Variants in LCP1 observed in about 807,000 individuals in gnomAD.
LCP1 encodes lymphocyte cytosolic protein 1.
Under a neutral mutation model 72.0 loss-of-function variants are expected in LCP1, and 23 were observed. The observed-to-expected ratio is 0.32, with a 90% CI of 0.23 to 0.45. LCP1 has a LOEUF of 0.45. LCP1 is among the 20% of genes least tolerant of loss of function. LCP1 has a pLI of 1.00. For synonymous variants in LCP1, 245 were observed against 275.4 expected, an observed-to-expected ratio of 0.89 and a Z score of 1.09; for missense variants, 571 against 748.3, an observed-to-expected ratio of 0.76 and a Z score of 2.76.
rs533850459 is a variant in LCP1 at position 46,147,244 on chromosome 13, G to A, written c.979-141C>T. 22 of 685,524 alleles carry A rather than the reference G, an allele frequency of 3.2e-5. No homozygotes were observed. In the Admixed American group the frequency reaches 4.4e-4, roughly 14 times the overall value. The allele number at this position is 685,524 out of a possible 1,614,324, so 42.5% of individuals were successfully genotyped here. ...AGACACTTAATAACAGCACATTATTGCCTATATGCACCTGCACCAAAATCA... is the reference window on the plus strand; with the variant it reads ...AGACACTTAATAACAGCACATTATTACCTATATGCACCTGCACCAAAATCA... On this transcript the variant is annotated intron_variant, in intron 9 of 15. Coordinates refer to ENST00000323076, the MANE Select transcript of LCP1 (RefSeq NM_002298.5).
chr13:46,161,683 G>T (rs910031252), intron 1 of LCP1, among the ~76,000 whole-genome samples: 1 of 152,066 alleles, frequency 6.6e-6, no homozygotes, highest in Non-Finnish European at 1.5e-5. Flanking sequence ...AAACCCAAGA[G>T]TTAAACCAAC....
At chr13:46,170,036 T>C (rs1264504756) in intron 1 of LCP1, among the ~76,000 whole-genome samples, 1 of 152,200 alleles carries the variant, frequency 6.6e-6, no homozygotes, top group Non-Finnish European at 1.5e-5. Flanking sequence ...AGCAGATTAG[T>C]GTCTGGCCCA....
At position 46,151,072 on chromosome 13, in the gene LCP1, A is replaced by G; in HGVS notation, c.746T>C (p.Ile249Thr). ...DIELSRNEAL[I>T]ALLREGESLE... ...GCTCTCACCTTCTCTCAAAAGAGCA[A>G]TCAGAGCTGAAGAAGCACAAAAACC... The change falls in exon 8 of 16, where the codon ATT becomes ACT. Residue 249 changes from isoleucine (I) to threonine (T), a missense_variant. Coordinates refer to ENST00000323076, the MANE Select transcript of LCP1 (RefSeq NM_002298.5). The G allele has an allele frequency of 3.7e-6, 6 of 1,612,280 alleles. No individual in the cohort carries two copies. The highest frequency in any genetic ancestry group is 5.1e-6 in the Non-Finnish European group (6 of 1,179,600).
intron 13 of LCP1, among the ~76,000 whole-genome samples, chr13:46,138,908 A>C (rs991188567): frequency 6.6e-6 from 1 of 152,094 alleles, no homozygotes; most frequent in Non-Finnish European, 1.5e-5. Flanking sequence ...CGGCCTCCCA[A>C]AGTACTGGGA....
At chr13:46,153,433 G>A (rs575996657) in intron 6 of LCP1, among the ~76,000 whole-genome samples, 36 of 152,274 alleles carry the variant, frequency 2.4e-4, no homozygotes, top group Non-Finnish European at 4.4e-4. Flanking sequence ...TGGCACGGTG[G>A]CTCATGCCCA....
chr13:46,166,644 G>A (rs932833882), intron 1 of LCP1, among the ~76,000 whole-genome samples: 9 of 152,104 alleles, frequency 5.9e-5, no homozygotes, highest in African/African-American at 2.2e-4. Context: ...CATTAATATT[G>A]TAAGCTTTAG....
chr13:46,130,986 T>A (rs764305782), intron 14 of LCP1, 48 bp from the exon 15 acceptor site: 1 of 1,531,008 alleles, frequency 6.5e-7, no homozygotes, highest in South Asian at 1.3e-5. Context: ...CCAAAGTTAC[T>A]CCCATTCAGC....
chr13:46,176,910 C>A (rs984204856), intron 1 of LCP1, among the ~76,000 whole-genome samples: 1 of 127,976 alleles, frequency 7.8e-6, no homozygotes, highest in Non-Finnish European at 1.8e-5. Context: ...TGTGAGAGAG[C>A]GAGAGAGAGA....
Position 46,151,070 on chromosome 13 carries a change from C to T in LCP1, c.748G>A (p.Ala250Thr), listed in dbSNP as rs574649338. Residue 250 changes from alanine (A) to threonine (T), a missense_variant, in exon 8 of 16, where the codon GCT becomes ACT. Ala to Thr is a moderately conservative substitution (Grantham distance 58). Transcript: ENST00000323076. ...IELSRNEALI[A>T]LLREGESLED... ...AGGCTCTCACCTTCTCTCAAAAGAG[C>T]AATCAGAGCTGAAGAAGCACAAAAA... 6.2e-7 allele frequency: 1 copy of T among 1,612,026 alleles called. No homozygotes were observed. Among genetic ancestry groups the T allele is most frequent in the Non-Finnish European group, 8.5e-7 (1 of 1,179,496 alleles).
intron 14 of LCP1, among the ~76,000 whole-genome samples, chr13:46,131,289 C>A (rs777215265): frequency 1.3e-5 from 2 of 152,054 alleles, no homozygotes; most frequent in Non-Finnish European, 2.9e-5. Context: ...AAATGAGGAC[C>A]AAAACCACAA....
rs552306089 is a variant in LCP1 at position 46,162,570 on chromosome 13, G to C, written c.-24-2884C>G. 5.2e-3 allele frequency among the ~76,000 whole-genome samples: 794 copies of C among 152,226 alleles called. 3 individuals are homozygous for C. The highest frequency in any genetic ancestry group is 0.018 in the African/African-American group (766 of 41,528). The stretch of plus-strand genomic sequence containing the variant: ...GCCAGCCTCGGCCTCCGGAGGTGCT[G>C]GGATTGCAGGCGGAGTCTCGTTCAC... On this transcript the variant is annotated intron_variant, in intron 1 of 15. Coordinates refer to ENST00000323076, the MANE Select transcript of LCP1 (RefSeq NM_002298.5).
chr13:46,176,875 T>TGTGTGTGTG, intron 1 of LCP1, among the ~76,000 whole-genome samples: 1 of 143,850 alleles, frequency 7.0e-6, no homozygotes, highest in African/African-American at 2.5e-5. Flanking sequence ...GTGTGTTTAT[T>TGTGTGTGTG]TGTGTGTGTG....
At chr13:46,134,514 G>A (rs956726075) in intron 13 of LCP1, among the ~76,000 whole-genome samples, 1 of 151,762 alleles carries the variant, frequency 6.6e-6, no homozygotes, top group African/African-American at 2.4e-5. Flanking sequence ...AAAAGAAAAA[G>A]CCAAAGGGAA....
intron 6 of LCP1, 126 bp from the exon 7 acceptor site, chr13:46,153,071 A>T (rs1305982088): frequency 2.2e-6 from 2 of 917,310 alleles, no homozygotes; most frequent in Non-Finnish European, 3.2e-6. Context: ...GTCTTCACTC[A>T]TTTTAACATT....
intron 13 of LCP1, among the ~76,000 whole-genome samples, chr13:46,138,740 A>G (rs888999668): frequency 6.6e-6 from 1 of 152,106 alleles, no homozygotes; most frequent in Non-Finnish European, 1.5e-5. Context: ...TCTGCCTCCC[A>G]GGTTCAAGAG....
intron 13 of LCP1, among the ~76,000 whole-genome samples, chr13:46,137,640 G>T (rs2045673020): frequency 6.6e-6 from 1 of 152,212 alleles, no homozygotes; most frequent in South Asian, 2.1e-4. Flanking sequence ...AATTTGGCCT[G>T]TGTCTTTCTA....
intron 13 of LCP1, 35 bp downstream of exon 13, chr13:46,142,257 A>T: frequency 6.3e-7 from 1 of 1,599,536 alleles, no homozygotes. Flanking sequence ...TAAATAATGT[A>T]TTCAAGAAAA....
At chr13:46,156,704 A>C in intron 4 of LCP1, 134 bp from the exon 5 acceptor site, 6 of 954,738 alleles carry the variant, frequency 6.3e-6, no homozygotes, top group Non-Finnish European at 9.7e-6. Flanking sequence ...TTATCATCTC[A>C]TATTTATTAA....
In LCP1 at chr13:46,146,179, G is replaced by A. The variant is rs1478908525; in HGVS notation, c.1174+729C>T. On this transcript the variant is annotated intron_variant, in intron 10 of 15. Transcript: ENST00000323076. ...TTCAGCAAATGACACCAATGCAGGAGTGTTGGAGCACGATTATGCTGCATT... is the reference window on the plus strand; with the variant it reads ...TTCAGCAAATGACACCAATGCAGGAATGTTGGAGCACGATTATGCTGCATT... Among the ~76,000 whole-genome samples the A allele has an allele frequency of 5.9e-5, 9 of 152,154 alleles. No homozygotes were observed. The South Asian group carries it at 1.4e-3, about 24-fold the overall frequency.
Sources: allele counts gnomAD v4.1 joint callset (sites outside exome capture counted in the v4.1 genomes callset), GRCh38; gene constraint gnomAD v4.1.1; transcripts MANE v1.5; gene names NCBI Gene and HGNC (gene_info 2026-07-23, HGNC 2026-07-21).